SLC26A1: variants seen among roughly 807,000 people sequenced by gnomAD.
The protein encoded by SLC26A1 is solute carrier family 26 member 1.
In SLC26A1, 18 loss-of-function variants were observed where a neutral mutation model predicts 14.5. The ratio of observed to expected loss-of-function variants is 1.24; its 90% CI spans 0.86 to 1.84. The LOEUF (loss-of-function observed/expected upper bound fraction) is 1.84, where lower values mean the gene tolerates loss of function less well. SLC26A1 is among the 40% of genes most tolerant of loss of function. The pLI, the probability that SLC26A1 is intolerant of heterozygous loss-of-function variation, is 0.00. For missense variants in SLC26A1, 1,049 were observed against 1,020.0 expected (o/e 1.03, Z -0.39); for synonymous variants, 505 against 492.0 (o/e 1.03, Z -0.35).
Position 991,149 on chromosome 4 carries a change from C to T in SLC26A1, c.555G>A (p.Thr185=), listed in dbSNP as rs151180930. The T allele has an allele frequency of 4.9e-5, 76 of 1,551,928 alleles. No homozygotes were observed. The Admixed American group carries it at 7.2e-4, about 15-fold the overall frequency. The part of the protein sequence containing the change: ...CYAIRVATAL[T]LMTGLYQVLM... The stretch of plus-strand genomic sequence containing the variant: ...TCACCTGGTAAAGCCCGGTCATCAG[C>T]GTGAGGGCGGTGGCGACACGGATGG... Residue 185 remains threonine (T), a synonymous_variant, in exon 2 of 3, where the codon ACG becomes ACA. Coordinates refer to ENST00000398516, the MANE Select transcript of SLC26A1 (RefSeq NM_022042.4).
Position 987,885 on chromosome 4 carries a change from G to T in SLC26A1, c.*948C>A. ...GCAGCTCAACCTCGCCTATGTGGGC[G>T]CCGTCCCTCACCGCGGCATCAAGCA... On this transcript the variant is annotated 3_prime_UTR_variant, in exon 3 of 3. Transcript: ENST00000398516. 6.2e-7 allele frequency: 1 copy of T among 1,611,212 alleles called. No homozygotes were observed. Among genetic ancestry groups the T allele is most frequent in the South Asian group, 1.1e-5 (1 of 90,780 alleles).
chr4:981,831 T>C (rs1272809486), intron 2 of SLC26A1, among the ~76,000 whole-genome samples: 2 of 150,578 alleles, frequency 1.3e-5, no homozygotes, highest in Non-Finnish European at 1.5e-5. Flanking sequence ...TTTTTTTCTT[T>C]TTGAGACGGA....
rs1228498982 is a variant in SLC26A1, at chr4:993,366, C to T, written c.-93G>A. 1.3e-5 allele frequency: 2 copies of T among 152,410 alleles called. No individual in the cohort carries two copies. The highest frequency in any genetic ancestry group is 4.8e-5 in the African/African-American group (2 of 41,480). The allele number at this position is 152,410 out of a possible 1,614,324, so 9.4% of individuals were successfully genotyped here. On this transcript the variant is annotated 5_prime_UTR_variant, in exon 1 of 3. Coordinates refer to ENST00000398516, the MANE Select transcript of SLC26A1 (RefSeq NM_022042.4). ...GAGGGGCTGGCAAGACCACCGAGGA[C>T]CGCAGGGCCCTCTGGCTCCCGCGAG...
chr4:980,699 A>T (rs1023485298), intron 2 of SLC26A1, among the ~76,000 whole-genome samples: 1 of 151,954 alleles, frequency 6.6e-6, no homozygotes, highest in Non-Finnish European at 1.5e-5. Flanking sequence ...GAAAACCAAG[A>T]TTTTGTTTAA....
At chr4:979,439 C>T in exon 3 of SLC26A1, 1 of 1,606,594 alleles carries the variant, frequency 6.2e-7, no homozygotes. Context: ...CCAGAAGTTC[C>T]TGCGAGTCAC....
downstream of SLC26A1, among the ~76,000 whole-genome samples, chr4:985,034 G>A (rs1292368433): frequency 6.6e-6 from 1 of 152,184 alleles, no homozygotes; most frequent in Non-Finnish European, 1.5e-5. Flanking sequence ...CAGGTGTCCC[G>A]GTGAGCGGCT....
chr4:989,516 C>T lies in SLC26A1; in HGVS notation c.1423G>A (p.Ala475Thr), dbSNP rs1416550462. The T allele has an allele frequency of 6.4e-7, 1 of 1,554,024 alleles. No homozygotes were observed. Among genetic ancestry groups the T allele is most frequent in the Admixed American group, 1.9e-5 (1 of 51,658 alleles). The change falls in exon 3 of 3, where the codon GCA (alanine) becomes ACA (threonine). Residue 475 changes from alanine to threonine, a missense_variant. Physicochemically the swap from Ala to Thr is moderately conservative, Grantham distance 58 (BLOSUM62 0). Transcript: ENST00000398516. ...RMSPADALVW[A>T]GTAATCMLVS... ...AGCATACAGGTGGCCGCGGTGCCTG[C>T]CCAGACCAGCGCGTCAGCCGGGCTC...
chr4:987,522 AC>A, downstream of SLC26A1: 1 of 931,280 alleles, frequency 1.1e-6, no homozygotes, highest in Non-Finnish European at 1.5e-6. Context: ...CTGCAGCGGG[AC>A]CTGGCCTGCC....
rs369173824 is a variant in SLC26A1 at position 991,221 on chromosome 4, G to T, written c.483C>A (p.Thr161=). The change falls in exon 2 of 3, where the codon ACC becomes ACA. Residue 161 remains threonine, a synonymous_variant. Coordinates refer to ENST00000398516, the MANE Select transcript of SLC26A1 (RefSeq NM_022042.4). ...CCAGCATGGCAGCCGAGCCGTTGAG[G>T]GTGCTGCTGTTGGCTCCGGGCTGCA... ...DGLQPGANSS[T]LNGSAAMLDC... is the part of the protein sequence containing the mutation. 14 of 1,610,032 alleles carry T rather than the reference G, an allele frequency of 8.7e-6. No individual in the cohort carries two copies. In the African/African-American group the frequency reaches 1.6e-4, roughly 18 times the overall value.
intron 2 of SLC26A1, 93 bp downstream of exon 2, chr4:991,035 C>T: frequency 1.5e-6 from 2 of 1,295,422 alleles, no homozygotes; most frequent in Non-Finnish European, 2.1e-6. Flanking sequence ...CTCTGCCAAC[C>T]CTGTGCTTGC....
chr4:982,811 A>T (rs1170408808), downstream of SLC26A1, among the ~76,000 whole-genome samples: 1 of 152,222 alleles, frequency 6.6e-6, no homozygotes, highest in African/African-American at 2.4e-5. Flanking sequence ...TCACTGAAAT[A>T]AACCCTGGGG....
chr4:991,944 A>C, intron 1 of SLC26A1: 1 of 859,368 alleles, frequency 1.2e-6, no homozygotes, highest in Non-Finnish European at 1.9e-6. Flanking sequence ...TCGTGAGGTG[A>C]GATGGGATTA....
downstream of SLC26A1, chr4:987,538 C>T (rs1713830822): frequency 9.3e-7 from 1 of 1,077,848 alleles, no homozygotes; most frequent in Non-Finnish European, 1.3e-6. Context: ...CCTGCCTGTC[C>T]CATTCCTTCC....
At chr4:987,054 G>A, downstream of SLC26A1, 4 of 1,482,986 alleles carry the variant, frequency 2.7e-6, no homozygotes, top group Non-Finnish European at 3.6e-6. Flanking sequence ...AGTGCAGCCC[G>A]AAGCCCCGCA....
intron 2 of SLC26A1, among the ~76,000 whole-genome samples, chr4:981,104 C>T (rs560504466): frequency 2.0e-5 from 3 of 152,334 alleles, no homozygotes; most frequent in African/African-American, 4.8e-5. Flanking sequence ...ACTCAGGGCC[C>T]GTTTCAGCCA....
chr4:985,322 G>A (rs765454261), downstream of SLC26A1, among the ~76,000 whole-genome samples: 36 of 152,254 alleles, frequency 2.4e-4, 1 homozygote, highest in Non-Finnish European at 1.0e-4. Context: ...GCCCCCTCCC[G>A]GCTTGTCCCT....
At position 989,449 on chromosome 4, in the gene SLC26A1, G is replaced by T. The variant is rs749932178; in HGVS notation, c.1490C>A (p.Ser497Ter). ...GGTGCGGCCGGCCAGGCTGAGCAGC[G>T]AGAGGATGACGCCAGCCAGCAGCCC... ...EAGLLAGVILSLLSLAGRTQR... is the reference protein window; with the variant it reads ...EAGLLAGVIL Residue 497 changes from serine to a stop codon, truncating the protein, a stop_gained, in exon 3 of 3, where the codon TCG (serine) becomes TAG (stop). Coordinates refer to ENST00000398516, the MANE Select transcript of SLC26A1 (RefSeq NM_022042.4). LOFTEE classifies it low-confidence loss of function (END_TRUNC). The T allele has an allele frequency of 2.6e-6, 4 of 1,553,942 alleles. No homozygotes were observed. Among genetic ancestry groups the T allele is most frequent in the African/African-American group, 1.4e-5 (1 of 73,324 alleles).
downstream of SLC26A1, chr4:987,128 C>A: frequency 6.9e-7 from 1 of 1,439,340 alleles, no homozygotes; most frequent in Non-Finnish European, 9.1e-7. Context: ...GCGCTCCTGG[C>A]CTCGCTCCTG....
chr4:979,814 G>A (rs978948089), intron 2 of SLC26A1, among the ~76,000 whole-genome samples: 2 of 152,234 alleles, frequency 1.3e-5, no homozygotes, highest in African/African-American at 4.8e-5. Flanking sequence ...AGGTCCACCT[G>A]TTGGCAGCGC....
Sources: allele counts gnomAD v4.1 joint callset (sites outside exome capture counted in the v4.1 genomes callset), GRCh38; gene constraint gnomAD v4.1.1; transcripts MANE v1.5; gene names NCBI Gene and HGNC (gene_info 2026-07-23, HGNC 2026-07-21).